Variants in ABCA3 observed in about 807,000 individuals in gnomAD.
ABCA3 encodes ATP binding cassette subfamily A member 3.
In ABCA3, 88 loss-of-function variants were observed where a neutral mutation model predicts 172.8. That is an observed-to-expected ratio of 0.51 (90% CI 0.43 to 0.61). The LOEUF (loss-of-function observed/expected upper bound fraction) is 0.61, where lower values mean the gene tolerates loss of function less well. Among genes scored for constraint, ABCA3 ranks in the 20% least tolerant of loss-of-function variants. The pLI, the probability that ABCA3 is intolerant of heterozygous loss-of-function variation, is 0.00. For missense variants in ABCA3, 2,164 were observed against 2,301.0 expected (o/e 0.94, Z 1.22); for synonymous variants, 1,066 against 983.8 (o/e 1.08, Z -1.56).
chr16:2,283,149 C>T lies in ABCA3; in HGVS notation c.4035+37G>A. ...TGGGCCCAAGCAGAGACGTGGGGAG[C>T]ATCTCGCCAGTGTCCTGGGCTCCCG... On this transcript the variant is annotated intron_variant, in intron 26 of 32. Coordinates refer to ENST00000301732, the MANE Select transcript of ABCA3 (RefSeq NM_001089.3). The surrounding 1 kb of genome is among the most constrained non-coding windows in gnomAD (Gnocchi z 5.4). The T allele has an allele frequency of 1.2e-6, 2 of 1,601,980 alleles. No homozygotes were observed. The highest frequency in any genetic ancestry group is 1.1e-5 in the South Asian group (1 of 89,986).
At position 2,286,156 on chromosome 16, in the gene ABCA3, G is replaced by A. The variant is rs2093662850; in HGVS notation, c.3279-510C>T. On this transcript the variant is annotated intron_variant, in intron 22 of 32. Transcript: ENST00000301732. The surrounding 1 kb of genome is among the most constrained non-coding windows in gnomAD (Gnocchi z 5.2). ...TGGGTGGAGACGACACTGCCCTGAG[G>A]AGGAGTGGCTATTCTGAAATTAACA... Among the ~76,000 whole-genome samples, 1 of 152,232 alleles carries A rather than the reference G, an allele frequency of 6.6e-6. No homozygotes were observed. Among genetic ancestry groups the A allele is most frequent in the African/African-American group, 2.4e-5 (1 of 41,466 alleles).
At chr16:2,292,790 A>G (rs2093674097) in intron 18 of ABCA3, among the ~76,000 whole-genome samples, 1 of 151,462 alleles carries the variant, frequency 6.6e-6, no homozygotes, top group South Asian at 2.1e-4. Context: ...ACAACAAACA[A>G]CAACAACAAC....
chr16:2,292,902 C>G (rs1294068268), intron 18 of ABCA3, among the ~76,000 whole-genome samples: 2 of 152,154 alleles, frequency 1.3e-5, no homozygotes, highest in Non-Finnish European at 2.9e-5. Context: ...TTGCGGTGAG[C>G]TGAGATCGCA....
chr16:2,286,657 T>C lies in ABCA3; in HGVS notation c.3278+37A>G. 6.2e-7 allele frequency: 1 copy of C among 1,611,336 alleles called. No individual in the cohort carries two copies. On this transcript the variant is annotated intron_variant, in intron 22 of 32. Transcript: ENST00000301732. The surrounding 1 kb of genome is among the most constrained non-coding windows in gnomAD (Gnocchi z 5.2). The stretch of plus-strand genomic sequence containing the variant: ...GCCCAGGGCAGTCAGTCCTGGGGGC[T>C]CTGGCCAGGGCAGACAGGGACGGGC...
chr16:2,314,748 G>C (rs2093712186), intron 10 of ABCA3, among the ~76,000 whole-genome samples: 1 of 149,842 alleles, frequency 6.7e-6, no homozygotes, highest in African/African-American at 2.5e-5. Flanking sequence ...GGCTAATTTT[G>C]TATTTTTAGT....
chr16:2,305,832 TAA>T (rs1173002859), intron 11 of ABCA3, among the ~76,000 whole-genome samples: 1 of 151,968 alleles, frequency 6.6e-6, no homozygotes, highest in African/African-American at 2.4e-5. Context: ...GCCTCGGCCA[TAA>T]GTCTTTTTTA....
intron 20 of ABCA3, 155 bp downstream of exon 20, chr16:2,289,279 T>G: frequency 1.2e-6 from 1 of 856,494 alleles, no homozygotes; most frequent in Non-Finnish European, 1.8e-6. Flanking sequence ...TGCCGACCCA[T>G]GCGGTGTGAG....
At chr16:2,330,721 C>G (rs1188389283) in intron 1 of ABCA3, among the ~76,000 whole-genome samples, 1 of 126,496 alleles carries the variant, frequency 7.9e-6, no homozygotes, top group African/African-American at 3.0e-5. Flanking sequence ...TTTTTTGAGA[C>G]GGAGTCTTAC....
Position 2,298,522 on chromosome 16 carries a change from C to T in ABCA3, c.1760G>A (p.Ser587Asn), listed in dbSNP as rs950515070. 3 of 1,613,716 alleles carry T rather than the reference C, an allele frequency of 1.9e-6. No individual in the cohort carries two copies. In the African/African-American group the frequency reaches 4.0e-5, roughly 22 times the overall value. ...SMLTGLFPPT[S>N]GRAYISGYEI... ...ATACCCGCTGATGTATGCCCGTCCACTGGTGGGGGGAAAGAGACCTGGGGC... is the reference window on the plus strand; with the variant it reads ...ATACCCGCTGATGTATGCCCGTCCATTGGTGGGGGGAAAGAGACCTGGGGC... Residue 587 changes from serine (S) to asparagine (N), a missense_variant, in exon 15 of 33, where the codon AGT (serine) becomes AAT (asparagine). Coordinates refer to ENST00000301732, the MANE Select transcript of ABCA3 (RefSeq NM_001089.3).
chr16:2,308,953 CT>C (rs1249919640), intron 10 of ABCA3, among the ~76,000 whole-genome samples: 5 of 149,710 alleles, frequency 3.3e-5, no homozygotes, highest in Admixed American at 6.7e-5. Context: ...AGCCCCACTT[CT>C]TTTTTTTTTG....
At chr16:2,323,838 T>A in intron 6 of ABCA3, 150 bp from the exon 7 acceptor site, 1 of 956,416 alleles carries the variant, frequency 1.0e-6, no homozygotes, top group South Asian at 1.3e-5. Flanking sequence ...CCCCGGAATG[T>A]CACACTGAGT....
rs1490832060 is a variant in ABCA3 at position 2,326,633 on chromosome 16, G to C, written c.-26-141C>G. 3 of 922,024 alleles carry C rather than the reference G, an allele frequency of 3.3e-6. No individual in the cohort carries two copies. In the Admixed American group the frequency reaches 6.0e-5, roughly 18 times the overall value. The allele number at this position is 922,024 out of a possible 1,614,324, so 57.1% of individuals were successfully genotyped here. A position where few individuals can be genotyped will look rare whatever the true frequency, so the allele number is the denominator to read the frequency against. On this transcript the variant is annotated intron_variant, in intron 3 of 32. Coordinates refer to ENST00000301732, the MANE Select transcript of ABCA3 (RefSeq NM_001089.3). ...ACTTTAACTCCAAACACCCCTGGAG[G>C]GAAGGGTACAAGGCCTGTGCCATGC...
At chr16:2,316,490 CAAAAAAAAAAAAA>C (rs71148128) in intron 10 of ABCA3, among the ~76,000 whole-genome samples, 15 of 28,874 alleles carry the variant, frequency 5.2e-4, no homozygotes, top group South Asian at 2.2e-3. Context: ...ACTAAAAATG[CAAAAAAAAAAAAA>C]AAAAAAAAAA....
At chr16:2,289,683 T>C in intron 19 of ABCA3, 63 bp from the exon 20 acceptor site, 2 of 1,523,934 alleles carry the variant, frequency 1.3e-6, no homozygotes, top group African/African-American at 1.4e-5. Flanking sequence ...AGGGAGGGAC[T>C]ATGGTTAGAG....
chr16:2,304,908 C>T (rs529329484), intron 11 of ABCA3, among the ~76,000 whole-genome samples: 11 of 152,224 alleles, frequency 7.2e-5, no homozygotes, highest in African/African-American at 2.6e-4. Context: ...ATCTCCTGAC[C>T]TTGTGATTCG....
chr16:2,285,687 T>A lies in ABCA3; in HGVS notation c.3279-41A>T. 1 of 1,546,792 alleles carries A rather than the reference T, an allele frequency of 6.5e-7. No individual in the cohort carries two copies. The highest frequency in any genetic ancestry group is 8.7e-7 in the Non-Finnish European group (1 of 1,143,652). On this transcript the variant is annotated intron_variant, in intron 22 of 32. Transcript: ENST00000301732. This position sits in a 1 kb window ranked among gnomAD's most constrained non-coding sequence, Gnocchi z 4.7. ...AAGGTCAGGGACGGAGCACAGCACG[T>A]CTGGGTGGCAGGAGAGGTCGGGTTC... is the stretch of plus-strand genomic sequence containing the variant.
chr16:2,295,500 G>C, intron 18 of ABCA3, 90 bp downstream of exon 18: 1 of 1,580,820 alleles, frequency 6.3e-7, no homozygotes, highest in Non-Finnish European at 8.6e-7. Context: ...GAGAGGGGCA[G>C]AGCAGGTGCC....
chr16:2,303,876 A>G, intron 12 of ABCA3, 93 bp downstream of exon 12: 1 of 1,421,616 alleles, frequency 7.0e-7, no homozygotes, highest in Non-Finnish European at 9.8e-7. Flanking sequence ...CAGGTGCTGC[A>G]TGCTGGGGAC....
chr16:2,278,932 G>A lies in ABCA3; in HGVS notation c.4547+11C>T, dbSNP rs780077715. Reference sequence around the variant, plus strand: ...TCCACTCTGGGAAGGGCCAGGGCTCGGGAGGTGCACCTGTACGTCCTGACC... The same window carrying A: ...TCCACTCTGGGAAGGGCCAGGGCTCAGGAGGTGCACCTGTACGTCCTGACC... On this transcript the variant is annotated intron_variant, in intron 29 of 32. Transcript: ENST00000301732. The surrounding 1 kb of genome is among the most constrained non-coding windows in gnomAD (Gnocchi z 4.4). 12 of 1,613,232 alleles carry A rather than the reference G, an allele frequency of 7.4e-6. No homozygotes were observed. Among genetic ancestry groups the A allele is most frequent in the South Asian group, 6.6e-5 (6 of 91,078 alleles).
Sources: allele counts gnomAD v4.1 joint callset (sites outside exome capture counted in the v4.1 genomes callset), GRCh38; gene constraint gnomAD v4.1.1; non-coding constraint Gnocchi (gnomAD v3.1); transcripts MANE v1.5; gene names NCBI Gene and HGNC (gene_info 2026-07-23, HGNC 2026-07-21).